PBX4: variants seen among roughly 807,000 people sequenced by gnomAD.
PBX4 encodes the protein PBX homeobox 4.
A neutral mutation model predicts 35.1 loss-of-function variants in PBX4; 26 were observed. The ratio of observed to expected loss-of-function variants is 0.74; its 90% CI spans 0.54 to 1.03. The LOEUF is 1.03. PBX4 is among the 50% of genes least tolerant of loss of function. The pLI, the probability that PBX4 is intolerant of heterozygous loss-of-function variation, is 0.00. For missense variants in PBX4, 448 were observed against 504.3 expected (o/e 0.89, Z 1.07); for synonymous variants, 199 against 204.2 (o/e 0.97, Z 0.22).
intron 2 of PBX4, among the ~76,000 whole-genome samples, chr19:19,581,207 C>T (rs1446533527): frequency 6.6e-6 from 1 of 152,216 alleles, no homozygotes; most frequent in African/African-American, 2.4e-5. Context: ...CAACTTTTGG[C>T]CTTACTGACT....
At chr19:19,610,181 A>G (rs1454428927) in intron 1 of PBX4, among the ~76,000 whole-genome samples, 4 of 152,206 alleles carry the variant, frequency 2.6e-5, no homozygotes, top group Non-Finnish European at 4.4e-5. Flanking sequence ...TGGGAGGCTG[A>G]GACGGGCGGA....
At chr19:19,601,054 A>AC (rs1453129951) in intron 1 of PBX4, among the ~76,000 whole-genome samples, 10 of 152,160 alleles carry the variant, frequency 6.6e-5, no homozygotes, top group Non-Finnish European at 1.2e-4. Context: ...TGTGGCAGTT[A>AC]AGAGGGAGGG....
At chr19:19,608,440 AAAC>A (rs2061644213) in intron 1 of PBX4, 1 of 152,338 alleles carries the variant, frequency 6.6e-6, no homozygotes, top group South Asian at 2.1e-4. Context: ...AAACAGAACA[AAAC>A]AAACCAGGAC....
rs541356344 is a variant in PBX4, at chr19:19,567,797, C to T, written c.768+1652G>A. 2.1e-4 allele frequency among the ~76,000 whole-genome samples: 32 copies of T among 151,332 alleles called. No homozygotes were observed. The Middle Eastern group carries it at 0.021, about 101-fold the overall frequency. On this transcript the variant is annotated intron_variant, in intron 5 of 7. Coordinates refer to ENST00000251203, the MANE Select transcript of PBX4 (RefSeq NM_025245.3). The stretch of plus-strand genomic sequence containing the variant: ...GTCAGGGAGCTCACACTCTCTACCA[C>T]GTCACCTCAGGGGGCTCACACTCCA...
chr19:19,596,773 G>T (rs916163065), intron 2 of PBX4, among the ~76,000 whole-genome samples: 47 of 151,860 alleles, frequency 3.1e-4, no homozygotes, highest in African/African-American at 1.0e-3. Flanking sequence ...ACAAAAATTA[G>T]CTGGGCAACG....
In PBX4 at chr19:19,562,701, G is replaced by A. The variant is rs1467184446; in HGVS notation, c.1033-584C>T. 6.6e-6 allele frequency among the ~76,000 whole-genome samples: 1 copy of A among 152,208 alleles called. No homozygotes were observed. The highest frequency in any genetic ancestry group is 1.5e-5 in the Non-Finnish European group (1 of 68,040). Reference sequence around the variant, plus strand: ...GGAAGTGGCTGGGACTGCTCTGCCCGTGAGTGTGGGAGCAGCTCAGACGGG... The same window carrying A: ...GGAAGTGGCTGGGACTGCTCTGCCCATGAGTGTGGGAGCAGCTCAGACGGG... On this transcript the variant is annotated intron_variant, in intron 7 of 7. Transcript: ENST00000251203. The surrounding 1 kb of genome is among the most constrained non-coding windows in gnomAD (Gnocchi z 4.8).
chr19:19,583,689 C>A (rs1384434040), intron 2 of PBX4, among the ~76,000 whole-genome samples: 1 of 152,140 alleles, frequency 6.6e-6, no homozygotes, highest in African/African-American at 2.4e-5. Context: ...GTAGCTCATG[C>A]CCTAATCCCA....
chr19:19,562,816 G>T lies in PBX4; in HGVS notation c.1032+693C>A, dbSNP rs1431733885. ...GTCCCAGGGGTGCAAAGGGCAAGGTGAGGCCCCTCACGTGTGTCCCTGGCT... is the reference window on the plus strand; with the variant it reads ...GTCCCAGGGGTGCAAAGGGCAAGGTTAGGCCCCTCACGTGTGTCCCTGGCT... On this transcript the variant is annotated intron_variant, in intron 7 of 7. Transcript: ENST00000251203. The surrounding 1 kb of genome is among the most constrained non-coding windows in gnomAD (Gnocchi z 4.8). Among the ~76,000 whole-genome samples, 1 of 152,178 alleles carries T rather than the reference G, an allele frequency of 6.6e-6. No homozygotes were observed. The highest frequency in any genetic ancestry group is 1.5e-5 in the Non-Finnish European group (1 of 68,006).
intron 2 of PBX4, among the ~76,000 whole-genome samples, chr19:19,580,855 C>T (rs1406946795): frequency 1.3e-5 from 2 of 152,374 alleles, no homozygotes; most frequent in South Asian, 4.1e-4. Context: ...GCCTCAGCCT[C>T]CTGAGTAGCT....
intron 1 of PBX4, among the ~76,000 whole-genome samples, chr19:19,617,426 G>A (rs1296021066): frequency 6.6e-6 from 1 of 152,110 alleles, no homozygotes; most frequent in Non-Finnish European, 1.5e-5. Context: ...CTACAGGCTT[G>A]CATCATCACA....
chr19:19,606,319 C>T (rs1488697093), intron 1 of PBX4: 4 of 152,226 alleles, frequency 2.6e-5, no homozygotes, highest in African/African-American at 9.6e-5. Flanking sequence ...GCCTCTAAAG[C>T]TGAGAGCAGC....
At chr19:19,592,134 C>T (rs754595349) in intron 2 of PBX4, among the ~76,000 whole-genome samples, 1 of 152,134 alleles carries the variant, frequency 6.6e-6, no homozygotes, top group Non-Finnish European at 1.5e-5. Flanking sequence ...CCGTCTGCCT[C>T]AGCCTCCCAA....
intron 2 of PBX4, among the ~76,000 whole-genome samples, chr19:19,587,378 G>C (rs774719989): frequency 2.6e-5 from 4 of 151,648 alleles, no homozygotes; most frequent in African/African-American, 9.7e-5. Flanking sequence ...ACCTGAGGTC[G>C]GGAGTTTGAG....
intron 2 of PBX4, among the ~76,000 whole-genome samples, chr19:19,593,463 C>T (rs146810822): frequency 0.015 from 2,296 of 152,256 alleles, 79 homozygotes; most frequent in South Asian, 0.076. Context: ...GGAGCAGAAT[C>T]GAAATCCTGT....
chr19:19,592,786 C>T (rs896631325), intron 2 of PBX4, among the ~76,000 whole-genome samples: 1 of 152,202 alleles, frequency 6.6e-6, no homozygotes, highest in African/African-American at 2.4e-5. Context: ...CTAGACCCTG[C>T]GCTGGCCAGG....
chr19:19,588,254 G>T, intron 2 of PBX4: 1 of 1,302,752 alleles, frequency 7.7e-7, no homozygotes, highest in Non-Finnish European at 1.1e-6. Context: ...ACAGAGCCCC[G>T]GTAAGATCCA....
At chr19:19,587,190 G>T (rs1003492357) in intron 2 of PBX4, among the ~76,000 whole-genome samples, 10 of 151,122 alleles carry the variant, frequency 6.6e-5, no homozygotes, top group Admixed American at 5.9e-4. Flanking sequence ...TTTTTGTTTT[G>T]TTTTTGTTTT....
Position 19,562,770 on chromosome 19 carries a change from C to T in PBX4, c.1033-653G>A, listed in dbSNP as rs968690053. ...TCTGCTCTGAACTGGGGTGGACACA[C>T]AGCTGCTGGCGCGTAGTCAGGTCCC... On this transcript the variant is annotated intron_variant, in intron 7 of 7. Transcript: ENST00000251203. This position sits in a 1 kb window ranked among gnomAD's most constrained non-coding sequence, Gnocchi z 4.8. 5.9e-5 allele frequency among the ~76,000 whole-genome samples: 9 copies of T among 152,200 alleles called. No individual in the cohort carries two copies. Among genetic ancestry groups the T allele is most frequent in the African/African-American group, 1.4e-4 (6 of 41,446 alleles).
At position 19,570,760 on chromosome 19, in the gene PBX4, C is replaced by T. The variant is rs766581133; in HGVS notation, c.267G>A (p.Leu89=). The change falls in exon 3 of 8, where the codon CTG becomes CTA. Residue 89 remains leucine (L), a synonymous_variant. Coordinates refer to ENST00000251203, the MANE Select transcript of PBX4 (RefSeq NM_025245.3). ...TCTCGGGCCTGCACACGCCCTCAGCCAGCAGCATGTTATCCAGCCTCAGGA... is the reference window on the plus strand; with the variant it reads ...TCTCGGGCCTGCACACGCCCTCAGCTAGCAGCATGTTATCCAGCCTCAGGA... The part of the protein sequence containing the change: ...AQLLRLDNML[L]AEGVCRPEKR... 6 of 1,614,004 alleles carry T rather than the reference C, an allele frequency of 3.7e-6. No homozygotes were observed. Among genetic ancestry groups the T allele is most frequent in the Admixed American group, 3.3e-5 (2 of 60,006 alleles).
Sources: gnomAD v4.1 joint callset for allele counts (sites outside exome capture counted in the v4.1 genomes callset) on GRCh38, gnomAD v4.1.1 for gene constraint, Gnocchi (gnomAD v3.1) non-coding constraint, MANE v1.5 for transcripts, NCBI Gene and HGNC (gene_info 2026-07-23, HGNC 2026-07-21) for gene names.